DCC: variants seen among roughly 807,000 people sequenced by gnomAD.
DCC encodes the protein netrin receptor DCC.
A neutral mutation model predicts 172.5 loss-of-function variants in DCC; 58 were observed. The ratio of observed to expected loss-of-function variants is 0.34; its 90% CI spans 0.27 to 0.42. The LOEUF is 0.42. Among genes scored for constraint, DCC ranks in the 10% least tolerant of loss-of-function variants. The pLI, the probability that DCC is intolerant of heterozygous loss-of-function variation, is 1.00. For missense variants in DCC, 1,740 were observed against 1,791.0 expected, an observed-to-expected ratio of 0.97 and a Z score of 0.51; for synonymous variants, 709 against 644.5, an observed-to-expected ratio of 1.10 and a Z score of -1.52.
At chr18:53,365,662 T>C (rs773226091) in intron 15 of DCC, among the ~76,000 whole-genome samples, 2 of 152,282 alleles carry the variant, frequency 1.3e-5, no homozygotes, top group African/African-American at 4.8e-5. Context: ...TAATCACATG[T>C]TAATCCTCCA....
intron 2 of DCC, among the ~76,000 whole-genome samples, chr18:52,822,096 T>G (rs2038417218): frequency 6.6e-6 from 1 of 152,342 alleles, no homozygotes; most frequent in East Asian, 1.9e-4. Context: ...CTACACAGCT[T>G]AGAGTGAACT....
At chr18:52,432,418 G>A (rs1274584240) in intron 1 of DCC, among the ~76,000 whole-genome samples, 2 of 152,066 alleles carry the variant, frequency 1.3e-5, no homozygotes, top group South Asian at 4.1e-4. Flanking sequence ...ATGTTCAAGA[G>A]GGACCAAATA....
intron 2 of DCC, among the ~76,000 whole-genome samples, chr18:52,903,829 T>G (rs1167517751): frequency 6.6e-6 from 1 of 152,240 alleles, no homozygotes; most frequent in Non-Finnish European, 1.5e-5. Context: ...ATGCTCTGTT[T>G]AAGTACATGC....
At chr18:53,093,253 G>C (rs916849376) in intron 7 of DCC, among the ~76,000 whole-genome samples, 5 of 152,012 alleles carry the variant, frequency 3.3e-5, no homozygotes, top group African/African-American at 1.2e-4. Flanking sequence ...CTCCAGCCTG[G>C]GCGACAGAGC....
intron 25 of DCC, among the ~76,000 whole-genome samples, chr18:53,469,784 A>G (rs1051567052): frequency 2.6e-5 from 4 of 152,150 alleles, no homozygotes; most frequent in Non-Finnish European, 5.9e-5. Context: ...AAAAATTTCT[A>G]AATTATCTGC....
chr18:53,073,859 A>G (rs944862480), intron 7 of DCC, among the ~76,000 whole-genome samples: 4 of 151,428 alleles, frequency 2.6e-5, no homozygotes, highest in African/African-American at 9.7e-5. Flanking sequence ...AAGAATACCT[A>G]GAAATCCAAA....
At chr18:53,515,412 C>T (rs993327822) in intron 27 of DCC, among the ~76,000 whole-genome samples, 3 of 150,692 alleles carry the variant, frequency 2.0e-5, no homozygotes, top group African/African-American at 7.3e-5. Context: ...CCTCTCTCAC[C>T]ACTCGTATTC....
intron 1 of DCC, among the ~76,000 whole-genome samples, chr18:52,529,077 G>A (rs1316199565): frequency 6.6e-6 from 1 of 152,086 alleles, no homozygotes; most frequent in Non-Finnish European, 1.5e-5. Flanking sequence ...ACAATTAGAC[G>A]TAGGCCAATA....
intron 27 of DCC, among the ~76,000 whole-genome samples, chr18:53,520,507 C>T (rs1490408951): frequency 3.3e-5 from 5 of 152,000 alleles, no homozygotes; most frequent in African/African-American, 1.2e-4. Flanking sequence ...TGTCTCATAG[C>T]CCCATGAAAG....
At chr18:52,369,238 G>A (rs1985008722) in intron 1 of DCC, among the ~76,000 whole-genome samples, 1 of 150,636 alleles carries the variant, frequency 6.6e-6, no homozygotes, top group African/African-American at 2.4e-5. Context: ...AATTCTTTGT[G>A]GGTTTTTTTT....
At chr18:52,989,102 G>A (rs1399043928) in intron 5 of DCC, among the ~76,000 whole-genome samples, 1 of 151,742 alleles carries the variant, frequency 6.6e-6, no homozygotes, top group Non-Finnish European at 1.5e-5. Flanking sequence ...ACAGTGAGTG[G>A]AGGGATAGAG....
chr18:53,020,347 CAAGGA>C (rs1254022269), intron 5 of DCC, among the ~76,000 whole-genome samples: 3 of 151,994 alleles, frequency 2.0e-5, no homozygotes, highest in Non-Finnish European at 4.4e-5. Context: ...ATTGCAGAGC[CAAGGA>C]GAGATCAACA....
intron 16 of DCC, among the ~76,000 whole-genome samples, chr18:53,386,550 C>T (rs1908183036): frequency 6.6e-6 from 1 of 152,164 alleles, no homozygotes; most frequent in Non-Finnish European, 1.5e-5. Context: ...ACTTGCTTCT[C>T]CACACAGGGT....
chr18:52,954,302 T>A (rs1454408276), intron 5 of DCC, among the ~76,000 whole-genome samples: 2 of 147,832 alleles, frequency 1.4e-5, no homozygotes, highest in Non-Finnish European at 3.0e-5. Flanking sequence ...ATATCACTAG[T>A]TTTTTTTTCA....
chr18:53,138,176 A>G (rs534902040), intron 7 of DCC, among the ~76,000 whole-genome samples: 75 of 152,134 alleles, frequency 4.9e-4, no homozygotes, highest in African/African-American at 1.7e-3. Context: ...TAATTTTTAT[A>G]AAAACTCTCA....
intron 28 of DCC, among the ~76,000 whole-genome samples, chr18:53,529,725 T>C (rs1568190399): frequency 6.6e-6 from 1 of 152,192 alleles, no homozygotes; most frequent in Non-Finnish European, 1.5e-5. Flanking sequence ...TTCTTTTAAT[T>C]AGGATGTCTA....
intron 7 of DCC, among the ~76,000 whole-genome samples, chr18:53,075,981 C>T (rs894103943): frequency 6.6e-6 from 1 of 152,044 alleles, no homozygotes; most frequent in Non-Finnish European, 1.5e-5. Context: ...CTTTACTGGT[C>T]ATATATGCTG....
At chr18:52,354,298 G>T (rs145198113) in intron 1 of DCC, among the ~76,000 whole-genome samples, 1 of 152,292 alleles carries the variant, frequency 6.6e-6, no homozygotes, top group Non-Finnish European at 1.5e-5. Flanking sequence ...AAGATTTTCA[G>T]CAGGGAAATG....
chr18:52,706,251 T>A (rs533707032), intron 1 of DCC, among the ~76,000 whole-genome samples: 2 of 152,348 alleles, frequency 1.3e-5, no homozygotes, highest in East Asian at 3.9e-4. Flanking sequence ...GCTCAAGTAG[T>A]TAAGCACAGC....
Sources: gnomAD v4.1 joint callset for allele counts (sites outside exome capture counted in the v4.1 genomes callset) on GRCh38, gnomAD v4.1.1 for gene constraint, MANE v1.5 for transcripts, NCBI Gene and HGNC (gene_info 2026-07-23, HGNC 2026-07-21) for gene names.